The following CSMD3 variants were observed in gnomAD, a reference collection of about 807,000 sequenced individuals.
CSMD3 encodes CUB and sushi domain-containing protein 3.
Under a neutral mutation model 435.2 loss-of-function variants are expected in CSMD3, and 177 were observed. The ratio of observed to expected loss-of-function variants is 0.41; its 90% confidence interval spans 0.36 to 0.46. The LOEUF is 0.46. Among genes scored for constraint, CSMD3 ranks in the 20% least tolerant of loss-of-function variants. The probability of loss-of-function intolerance (pLI) is 0.34; values close to 1 mark genes in which losing one functional copy is unlikely to be tolerated. For missense variants in CSMD3, 4,265 were observed against 4,504.6 expected, an observed-to-expected ratio of 0.95 and a Z score of 1.52; for synonymous variants, 1,656 against 1,520.5, an observed-to-expected ratio of 1.09 and a Z score of -2.07.
intron 22 of CSMD3, among the ~76,000 whole-genome samples, chr8:112,591,451 T>C (rs1831186201): frequency 6.6e-6 from 1 of 152,104 alleles, no homozygotes; most frequent in African/African-American, 2.4e-5. Context: ...ATTGTACACA[T>C]ACAGTCATAT....
intron 13 of CSMD3, among the ~76,000 whole-genome samples, chr8:112,710,045 C>T (rs1188181707): frequency 6.6e-6 from 1 of 152,060 alleles, no homozygotes; most frequent in African/African-American, 2.4e-5. Flanking sequence ...ATATAACCAT[C>T]TAGGAAGACA....
intron 13 of CSMD3, among the ~76,000 whole-genome samples, chr8:112,747,567 T>A (rs1234943027): frequency 6.6e-6 from 1 of 152,188 alleles, no homozygotes; most frequent in Non-Finnish European, 1.5e-5. Context: ...TAAGTTTTTT[T>A]ATCTTAGTTC....
Position 113,338,888 on chromosome 8 carries a change from T to C in CSMD3, c.179-24095A>G, listed in dbSNP as rs1437799236. Among the ~76,000 whole-genome samples the C allele has an allele frequency of 3.3e-5, 5 of 152,140 alleles. No individual in the cohort carries two copies. The East Asian group carries it at 7.7e-4, about 24-fold the overall frequency. ...TAAAATAAATCACTGTATTTTATTT[T>C]GTATTCTCTAAAATATGACTTATTA... On this transcript the variant is annotated intron_variant, in intron 1 of 70. Coordinates refer to ENST00000297405, the MANE Select transcript of CSMD3 (RefSeq NM_198123.2).
Position 112,893,444 on chromosome 8 carries a change from G to T in CSMD3, c.1633+28183C>A, listed in dbSNP as rs564673658. The stretch of plus-strand genomic sequence containing the variant: ...AATGCAATTAAATTAAAACATCTAG[G>T]GATGGGAACAGGATATCAGTATTTT... On this transcript the variant is annotated intron_variant, in intron 10 of 70. Coordinates refer to ENST00000297405, the MANE Select transcript of CSMD3 (RefSeq NM_198123.2). Among the ~76,000 whole-genome samples the T allele has an allele frequency of 1.1e-4, 16 of 151,498 alleles. No individual in the cohort carries two copies. The East Asian group carries it at 1.6e-3, about 15-fold the overall frequency.
In CSMD3 at chr8:113,411,944, G is replaced by A. The variant is rs139599371; in HGVS notation, c.178+24733C>T. Among the ~76,000 whole-genome samples, 366 of 152,204 alleles carry A rather than the reference G, an allele frequency of 2.4e-3. 1 individual carries two copies. Among genetic ancestry groups the A allele is most frequent in the African/African-American group, 8.3e-3 (344 of 41,546 alleles). On this transcript the variant is annotated intron_variant, in intron 1 of 70. Transcript: ENST00000297405. The stretch of plus-strand genomic sequence containing the variant: ...ATGGGTTTTAGAAGCCAAAATACGT[G>A]AGTTGAAATCTTGTTTCTCACAGTT...
At chr8:113,144,067 G>A (rs987132254) in intron 4 of CSMD3, among the ~76,000 whole-genome samples, 2 of 150,354 alleles carry the variant, frequency 1.3e-5, no homozygotes, top group African/African-American at 2.4e-5. Flanking sequence ...TACTACTTGG[G>A]TTAAAAGGGT....
At chr8:112,882,795 T>C (rs915587241) in intron 10 of CSMD3, among the ~76,000 whole-genome samples, 46 of 151,994 alleles carry the variant, frequency 3.0e-4, no homozygotes, top group African/African-American at 1.1e-3. Context: ...CTGAAACAAG[T>C]TGAATGACAC....
chr8:113,073,086 C>A (rs2089194667), intron 5 of CSMD3, among the ~76,000 whole-genome samples: 1 of 151,746 alleles, frequency 6.6e-6, no homozygotes, highest in Non-Finnish European at 1.5e-5. Flanking sequence ...GGAAATCTCT[C>A]CCGAATTTTC....
chr8:112,856,790 A>G (rs1013149484), intron 11 of CSMD3, among the ~76,000 whole-genome samples: 1 of 151,918 alleles, frequency 6.6e-6, no homozygotes, highest in African/African-American at 2.4e-5. Flanking sequence ...TGAACAAATT[A>G]TAAATGTAGA....
At chr8:113,198,295 T>C (rs148154808) in intron 3 of CSMD3, among the ~76,000 whole-genome samples, 239 of 151,526 alleles carry the variant, frequency 1.6e-3, no homozygotes, top group Middle Eastern at 0.014. Context: ...ACTGCACATA[T>C]GCCATCATCC....
chr8:112,971,444 C>T (rs1023015005), intron 7 of CSMD3, among the ~76,000 whole-genome samples: 1 of 152,080 alleles, frequency 6.6e-6, no homozygotes, highest in Non-Finnish European at 1.5e-5. Context: ...TGATAGTAAG[C>T]AATTCTTTTT....
At chr8:112,713,772 C>G (rs909440355) in intron 13 of CSMD3, among the ~76,000 whole-genome samples, 4 of 152,156 alleles carry the variant, frequency 2.6e-5, no homozygotes, top group African/African-American at 9.7e-5. Flanking sequence ...CAATATTCAA[C>G]ATTCTTAAAA....
At chr8:112,325,273 AT>A (rs1401637938) in intron 45 of CSMD3, among the ~76,000 whole-genome samples, 6 of 152,220 alleles carry the variant, frequency 3.9e-5, no homozygotes, top group African/African-American at 1.4e-4. Context: ...ATTTGATAAC[AT>A]AGCTAAAATT....
In CSMD3 at chr8:112,577,038, A is replaced by C. The variant is rs540882504; in HGVS notation, c.3886-3381T>G. Among the ~76,000 whole-genome samples the C allele has an allele frequency of 2.6e-5, 4 of 152,178 alleles. No individual in the cohort carries two copies. In the South Asian group the frequency reaches 8.3e-4, roughly 32 times the overall value. On this transcript the variant is annotated intron_variant, in intron 23 of 70. Coordinates refer to ENST00000297405, the MANE Select transcript of CSMD3 (RefSeq NM_198123.2). ...CTGTTGAGTCAAAAGGTAGAAAACA[A>C]ATACTGCTGAAGCTCCACTATAATC... is the stretch of plus-strand genomic sequence containing the variant.
At chr8:112,958,943 G>T (rs570697312) in intron 7 of CSMD3, among the ~76,000 whole-genome samples, 46 of 152,132 alleles carry the variant, frequency 3.0e-4, no homozygotes, top group Admixed American at 7.9e-4. Flanking sequence ...AGTACAAGTT[G>T]GAGATTTGGA....
In CSMD3 at chr8:112,503,946, A is replaced by T; in HGVS notation, c.4927T>A (p.Tyr1643Asn). ...FSIEPNYDFL[Y>N]IYDGPDSNSP... ...TTACTGTCTGGTCCATCATAGATAT[A>T]GAGGAAGTCATAGTTTGGTTCTATG... is the stretch of plus-strand genomic sequence containing the variant. The change falls in exon 30 of 71, where the codon TAT becomes AAT. Residue 1643 changes from tyrosine to asparagine, a missense_variant. Tyr to Asn is a moderately radical substitution (Grantham distance 143). This residue lies in a region of CSMD3 where 3,255 missense variants were observed against 3,380.2 expected (regional missense o/e 0.96). Transcript: ENST00000297405. 6.2e-7 allele frequency: 1 copy of T among 1,609,804 alleles called. No individual in the cohort carries two copies. The highest frequency in any genetic ancestry group is 1.1e-5 in the South Asian group (1 of 90,972).
intron 11 of CSMD3, among the ~76,000 whole-genome samples, chr8:112,854,087 A>G (rs970646090): frequency 2.6e-5 from 4 of 152,204 alleles, no homozygotes; most frequent in Admixed American, 6.5e-5. Flanking sequence ...CTGTCTACAT[A>G]GTTATTGCTT....
At chr8:113,061,420 GCTC>G (rs932346304) in intron 5 of CSMD3, among the ~76,000 whole-genome samples, 2 of 152,028 alleles carry the variant, frequency 1.3e-5, no homozygotes, top group Non-Finnish European at 2.9e-5. Context: ...AGGAAGTTAA[GCTC>G]CTATGAGGAA....
chr8:112,526,462 T>A (rs1049210418), intron 27 of CSMD3, among the ~76,000 whole-genome samples: 4 of 152,014 alleles, frequency 2.6e-5, no homozygotes, highest in Non-Finnish European at 2.9e-5. Context: ...TTCAATTATT[T>A]CAACTGCATA....
Sources: allele counts gnomAD v4.1 joint callset (sites outside exome capture counted in the v4.1 genomes callset), GRCh38; gene constraint gnomAD v4.1.1; regional missense constraint gnomAD v4.1.1; transcripts MANE v1.5; gene names NCBI Gene and HGNC (gene_info 2026-07-23, HGNC 2026-07-21).